DCUN1D5: variants seen among roughly 807,000 people sequenced by gnomAD.
The protein encoded by DCUN1D5 is defective in cullin neddylation 1 domain containing 5, also known as DCN1-like protein 5.
A neutral mutation model predicts 38.3 loss-of-function variants in DCUN1D5; 10 were observed. The observed-to-expected ratio is 0.26, with a 90% confidence interval of 0.16 to 0.44. The LOEUF (loss-of-function observed/expected upper bound fraction) is 0.44, where lower values mean the gene tolerates loss of function less well. DCUN1D5 is among the 20% of genes least tolerant of loss of function. The pLI, the probability that DCUN1D5 is intolerant of heterozygous loss-of-function variation, is 1.00. For synonymous variants in DCUN1D5, 93 were observed against 90.9 expected (o/e 1.02, Z -0.13); for missense variants, 148 against 275.3 (o/e 0.54, Z 3.27).
chr11:103,080,584 T>C (rs946302372), intron 4 of DCUN1D5, among the ~76,000 whole-genome samples: 1 of 152,214 alleles, frequency 6.6e-6, no homozygotes, highest in Admixed American at 6.5e-5. Context: ...CTCTACAGTA[T>C]ATTATTCTGG....
At position 103,054,081 on chromosome 11, in the gene DCUN1D5, A is replaced by G. The variant is rs1861812937; in HGVS notation, c.*8278T>C. The G allele has an allele frequency of 6.6e-6, 1 of 152,140 alleles. No individual in the cohort carries two copies. Among genetic ancestry groups the G allele is most frequent in the Non-Finnish European group, 1.5e-5 (1 of 67,984 alleles). The allele number at this position is 152,140 out of a possible 1,614,324, so 9.4% of individuals were successfully genotyped here. On this transcript the variant is annotated 3_prime_UTR_variant, in exon 8 of 8. Transcript: ENST00000260247. Reference sequence around the variant, plus strand: ...AAAGCAGGAAAAAGAACCTCATTCCAGAAGGTTCCATTTCATGTCAAACTT... The same window carrying G: ...AAAGCAGGAAAAAGAACCTCATTCCGGAAGGTTCCATTTCATGTCAAACTT...
At chr11:103,069,376 C>T (rs989199362) in intron 4 of DCUN1D5, among the ~76,000 whole-genome samples, 12 of 152,168 alleles carry the variant, frequency 7.9e-5, no homozygotes, top group African/African-American at 2.9e-4. Context: ...AACAAACACT[C>T]TACTCCAGTT....
chr11:103,082,980 T>C, intron 3 of DCUN1D5, 141 bp from the exon 4 acceptor site: 2 of 676,668 alleles, frequency 3.0e-6, no homozygotes, highest in South Asian at 4.2e-5. Flanking sequence ...TTATTAACTA[T>C]ATACAAAGAA....
At chr11:103,068,304 T>G (rs537172282) in intron 4 of DCUN1D5, among the ~76,000 whole-genome samples, 2 of 152,292 alleles carry the variant, frequency 1.3e-5, no homozygotes, top group African/African-American at 2.4e-5. Context: ...GAACTATCAT[T>G]CGATCCAGCA....
intron 1 of DCUN1D5, 99 bp from the exon 2 acceptor site, chr11:103,089,417 G>T (rs368155004): frequency 0.018 from 17,108 of 945,710 alleles, 186 homozygotes; most frequent in Middle Eastern, 0.025. Context: ...TTAAACAAAG[G>T]TTTTTTTTTT....
rs1027382467 is a variant in DCUN1D5 at position 103,059,999 on chromosome 11, T to G, written c.*2360A>C. ...AGACTTTTTTATACTGCAGGGTCCT[T>G]AATATTGTATTGTTTATATCACTTA... On this transcript the variant is annotated 3_prime_UTR_variant, in exon 8 of 8. Transcript: ENST00000260247. 6.6e-6 allele frequency among the ~76,000 whole-genome samples: 1 copy of G among 152,140 alleles called. No homozygotes were observed. Among genetic ancestry groups the G allele is most frequent in the Non-Finnish European group, 1.5e-5 (1 of 68,016 alleles).
rs369466315 is a variant in DCUN1D5 at position 103,062,752 on chromosome 11, A to G, written c.659-338T>C. ...AAACAATCTGAAAAGTGTTGAAGGT[A>G]ATATTTCTATGTTGCCTCCCCAAGA... On this transcript the variant is annotated intron_variant, in intron 7 of 7. Transcript: ENST00000260247. This position sits in a 1 kb window ranked among gnomAD's most constrained non-coding sequence, Gnocchi z 4.6. Among the ~76,000 whole-genome samples the G allele has an allele frequency of 1.1e-4, 17 of 152,090 alleles. No homozygotes were observed. Among genetic ancestry groups the G allele is most frequent in the African/African-American group, 3.4e-4 (14 of 41,430 alleles).
rs1338099461 is a variant in DCUN1D5 at position 103,078,679 on chromosome 11, T to C, written c.341+4069A>G. 6.6e-6 allele frequency among the ~76,000 whole-genome samples: 1 copy of C among 152,226 alleles called. No individual in the cohort carries two copies. Among genetic ancestry groups the C allele is most frequent in the Admixed American group, 6.5e-5 (1 of 15,276 alleles). ...AAATATTAGAATTCAAAACCTATCC[T>C]GGCAATTTTTTTATGTACTTTACAA... On this transcript the variant is annotated intron_variant, in intron 4 of 7. Coordinates refer to ENST00000260247, the MANE Select transcript of DCUN1D5 (RefSeq NM_032299.4). This position sits in a 1 kb window ranked among gnomAD's most constrained non-coding sequence, Gnocchi z 4.6.
Position 103,083,359 on chromosome 11 carries a change from T to G in DCUN1D5, c.179-33A>C. 1 of 1,211,376 alleles carries G rather than the reference T, an allele frequency of 8.3e-7. No homozygotes were observed. The highest frequency in any genetic ancestry group is 1.2e-6 in the Non-Finnish European group (1 of 819,526). The allele number at this position is 1,211,376 out of a possible 1,614,324, so 75.0% of individuals were successfully genotyped here. On this transcript the variant is annotated intron_variant, in intron 2 of 7. Transcript: ENST00000260247. The surrounding 1 kb of genome is among the most constrained non-coding windows in gnomAD (Gnocchi z 4.4). ...GACAAAAATAATTAACATATTTTGTTATAATATCAACATAAAACATAAATC... is the reference window on the plus strand; with the variant it reads ...GACAAAAATAATTAACATATTTTGTGATAATATCAACATAAAACATAAATC...
Position 103,065,906 on chromosome 11 carries a change from CTG to C in DCUN1D5, c.555+361_555+362del, listed in dbSNP as rs1862122794. On this transcript the variant is annotated intron_variant, in intron 6 of 7. Transcript: ENST00000260247. This position sits in a 1 kb window ranked among gnomAD's most constrained non-coding sequence, Gnocchi z 4.6. ...CTTATGTACATTTCAGCTTAAGACC[CTG>C]TGTAACAAAAGAAGAAAATCAGATT... 6.6e-6 allele frequency among the ~76,000 whole-genome samples: 1 copy of C among 151,988 alleles called. No individual in the cohort carries two copies.
chr11:103,074,505 A>T (rs1862360334), intron 4 of DCUN1D5, among the ~76,000 whole-genome samples: 1 of 152,182 alleles, frequency 6.6e-6, no homozygotes. Context: ...TCCCCGGTTC[A>T]AGCGATTCTC....
chr11:103,051,149 G>T lies in DCUN1D5; in HGVS notation c.*11210C>A, dbSNP rs1382012538. Reference sequence around the variant, plus strand: ...TCAAGAACCAGATTTCCCTTATTCAGTTGGTGGTCTGTCATCTTTTTTCCA... The same window carrying T: ...TCAAGAACCAGATTTCCCTTATTCATTTGGTGGTCTGTCATCTTTTTTCCA... On this transcript the variant is annotated 3_prime_UTR_variant, in exon 8 of 8. Coordinates refer to ENST00000260247, the MANE Select transcript of DCUN1D5 (RefSeq NM_032299.4). The T allele has an allele frequency of 6.6e-6, 1 of 152,170 alleles. No individual in the cohort carries two copies. The highest frequency in any genetic ancestry group is 2.4e-5 in the African/African-American group (1 of 41,442). The allele number at this position is 152,170 out of a possible 1,614,324, so 9.4% of individuals were successfully genotyped here. A position where few individuals can be genotyped will look rare whatever the true frequency, so the allele number is the denominator to read the frequency against.
At chr11:103,069,212 T>C (rs1862210754) in intron 4 of DCUN1D5, among the ~76,000 whole-genome samples, 1 of 152,168 alleles carries the variant, frequency 6.6e-6, no homozygotes, top group South Asian at 2.1e-4. Flanking sequence ...TATCTGGGTT[T>C]CTTTTTGCCT....
rs1862118686 is a variant in DCUN1D5 at position 103,065,705 on chromosome 11, A to C, written c.555+564T>G. Among the ~76,000 whole-genome samples, 1 of 152,128 alleles carries C rather than the reference A, an allele frequency of 6.6e-6. No individual in the cohort carries two copies. Among genetic ancestry groups the C allele is most frequent in the Non-Finnish European group, 1.5e-5 (1 of 68,014 alleles). On this transcript the variant is annotated intron_variant, in intron 6 of 7. Transcript: ENST00000260247. This position sits in a 1 kb window ranked among gnomAD's most constrained non-coding sequence, Gnocchi z 4.6. ...ACTGCCTATAGTAGTTGCTATGATA[A>C]ACCTTCTAAAAGAACACGTCATCAT...
chr11:103,074,405 GTGTT>G lies in DCUN1D5; in HGVS notation c.342-7842_342-7839del, dbSNP rs896504673. 9.6e-4 allele frequency among the ~76,000 whole-genome samples: 146 copies of G among 152,068 alleles called. 2 individuals carry two copies. The highest frequency in any genetic ancestry group is 1.4e-3 in the East Asian group (7 of 5,162). ...ATCTTCTTTCTATCTCATCTGCTGA[GTGTT>G]TGTTTGTTTGTTTGTTTTGAGATTG... is the stretch of plus-strand genomic sequence containing the variant. On this transcript the variant is annotated intron_variant, in intron 4 of 7. Transcript: ENST00000260247.
chr11:103,071,573 T>A lies in DCUN1D5; in HGVS notation c.342-5006A>T, dbSNP rs1227386187. On this transcript the variant is annotated intron_variant, in intron 4 of 7. Transcript: ENST00000260247. The surrounding 1 kb of genome is among the most constrained non-coding windows in gnomAD (Gnocchi z 4.1). ...TATCTATTGATTTATATAGATATAA[T>A]CTATATCTATGTAAATATTTTATAT... Among the ~76,000 whole-genome samples, 1 of 149,910 alleles carries A rather than the reference T, an allele frequency of 6.7e-6. No homozygotes were observed. Among genetic ancestry groups the A allele is most frequent in the Admixed American group, 6.7e-5 (1 of 15,026 alleles).
chr11:103,054,844 T>C lies in DCUN1D5; in HGVS notation c.*7515A>G, dbSNP rs996483214. The C allele has an allele frequency of 2.6e-5, 4 of 152,054 alleles. No individual in the cohort carries two copies. The highest frequency in any genetic ancestry group is 6.6e-5 in the Admixed American group (1 of 15,258). 9.4% of individuals were successfully genotyped at this position (152,054 alleles called of 1,614,324 possible). ...CAGTCCTAGATGTACTAAAATCAAT[T>C]AGCCTTATTTTATGCTTTCCTAGCA... is the stretch of plus-strand genomic sequence containing the variant. On this transcript the variant is annotated 3_prime_UTR_variant, in exon 8 of 8. Coordinates refer to ENST00000260247, the MANE Select transcript of DCUN1D5 (RefSeq NM_032299.4).
intron 4 of DCUN1D5, among the ~76,000 whole-genome samples, chr11:103,070,571 G>T (rs1018090988): frequency 3.9e-5 from 6 of 152,098 alleles, no homozygotes; most frequent in African/African-American, 1.4e-4. Flanking sequence ...CAAAATGTGT[G>T]AAGTAAAAAC....
intron 4 of DCUN1D5, among the ~76,000 whole-genome samples, chr11:103,072,355 TCTAGATCTAGAA>T (rs969955182): frequency 2.6e-5 from 4 of 151,146 alleles, no homozygotes; most frequent in African/African-American, 9.8e-5. Flanking sequence ...TAGATCTAGA[TCTAGATCTAGAA>T]CTAGAACTAG....
Sources: allele counts gnomAD v4.1 joint callset (sites outside exome capture counted in the v4.1 genomes callset), GRCh38; gene constraint gnomAD v4.1.1; non-coding constraint Gnocchi (gnomAD v3.1); transcripts MANE v1.5; gene names NCBI Gene and HGNC (gene_info 2026-07-23, HGNC 2026-07-21).